CARTPT: variants seen among roughly 807,000 people sequenced by gnomAD.
The protein encoded by CARTPT is cocaine- and amphetamine-regulated transcript protein.
Under a neutral mutation model 12.2 loss-of-function variants are expected in CARTPT, and 6 were observed. The observed-to-expected ratio is 0.49, with a 90% CI of 0.27 to 0.97. CARTPT has a LOEUF of 0.97. Ranked by LOEUF, CARTPT falls within the 50% of genes least tolerant of loss-of-function variation. The pLI is 0.12. For missense variants in CARTPT, 135 were observed against 142.0 expected (o/e 0.95, Z 0.25); for synonymous variants, 75 against 64.1 (o/e 1.17, Z -0.82).
At chr5:71,719,491 G>A in intron 1 of CARTPT, 39 bp downstream of exon 1, 2 of 1,612,396 alleles carry the variant, frequency 1.2e-6, no homozygotes, top group Middle Eastern at 1.7e-4. Context: ...TTGAGCTGTC[G>A]CCTTGTCTCT....
In CARTPT at chr5:71,720,684, T is replaced by C; in HGVS notation, c.*69T>C. 3.9e-6 allele frequency: 5 copies of C among 1,276,454 alleles called. No homozygotes were observed. The highest frequency in any genetic ancestry group is 5.6e-6 in the Non-Finnish European group (5 of 893,336). 79.1% of individuals were successfully genotyped at this position (1,276,454 alleles called of 1,614,324 possible). On this transcript the variant is annotated 3_prime_UTR_variant, in exon 3 of 3. Coordinates refer to ENST00000296777, the MANE Select transcript of CARTPT (RefSeq NM_004291.4). ...CCCCAGAGGACCACACCTTCCTCCC[T>C]GGAGTTTGGCTTAAGCAACAGATAA... is the stretch of plus-strand genomic sequence containing the variant.
rs1748677201 is a variant in CARTPT at position 71,720,096 on chromosome 5, C to T, written c.243+133C>T. On this transcript the variant is annotated intron_variant, in intron 2 of 2. Coordinates refer to ENST00000296777, the MANE Select transcript of CARTPT (RefSeq NM_004291.4). ...TGGGCTTGCAGGATTCTGTGGGCTC[C>T]TTCTTCCTTCCCGGGTGAGGAAATG... is the stretch of plus-strand genomic sequence containing the variant. 6.3e-6 allele frequency: 5 copies of T among 795,794 alleles called. No individual in the cohort carries two copies. In the East Asian group the frequency reaches 1.2e-4, roughly 20 times the overall value. The allele number at this position is 795,794 out of a possible 1,614,324, so 49.3% of individuals were successfully genotyped here.
In CARTPT at chr5:71,720,819, C is replaced by A. The variant is rs1748694361; in HGVS notation, c.*204C>A. ...AATAATGCCTTGTATGGTGTTGATA[C>A]GTGTGTGAAGTATTCTTATTTTATT... On this transcript the variant is annotated 3_prime_UTR_variant, in exon 3 of 3. Coordinates refer to ENST00000296777, the MANE Select transcript of CARTPT (RefSeq NM_004291.4). The A allele has an allele frequency of 3.4e-6, 2 of 580,548 alleles. No individual in the cohort carries two copies. The highest frequency in any genetic ancestry group is 6.2e-6 in the Non-Finnish European group (2 of 323,902). The allele number at this position is 580,548 out of a possible 1,614,324, so 36.0% of individuals were successfully genotyped here.
intron 2 of CARTPT, 106 bp from the exon 3 acceptor site, chr5:71,720,402 G>A: frequency 1.1e-6 from 1 of 915,092 alleles, no homozygotes; most frequent in Admixed American, 2.0e-5. Context: ...TGGTGATGGG[G>A]TCCAATTGCC....
intron 1 of CARTPT, 78 bp downstream of exon 1, chr5:71,719,530 C>T: frequency 6.5e-7 from 1 of 1,531,508 alleles, no homozygotes; most frequent in South Asian, 1.1e-5. Flanking sequence ...CCTCCCCCCA[C>T]CCCCACTCCT....
chr5:71,720,230 T>C (rs921988548), intron 2 of CARTPT, among the ~76,000 whole-genome samples: 4 of 152,040 alleles, frequency 2.6e-5, no homozygotes, highest in Non-Finnish European at 5.9e-5. Flanking sequence ...AGCCAGGAAA[T>C]GTGATGCTCC....
At chr5:71,720,096 C>A (rs1748677201) in intron 2 of CARTPT, 133 bp downstream of exon 2, 1 of 795,676 alleles carries the variant, frequency 1.3e-6, no homozygotes, top group African/African-American at 1.7e-5. Flanking sequence ...CTGTGGGCTC[C>A]TTCTTCCTTC....
intron 1 of CARTPT, 133 bp from the exon 2 acceptor site, chr5:71,719,747 C>G: frequency 1.1e-6 from 1 of 886,518 alleles, no homozygotes. Context: ...CTCGACCATT[C>G]CCTGTGTCCG....
intron 2 of CARTPT, 21 bp downstream of exon 2, chr5:71,719,984 C>T: frequency 1.2e-6 from 2 of 1,602,050 alleles, no homozygotes; most frequent in Non-Finnish European, 1.7e-6. Flanking sequence ...TGGTCACTCC[C>T]TTCCCGTGTT....
At chr5:71,719,829 T>G in intron 1 of CARTPT, 51 bp from the exon 2 acceptor site, 1 of 1,573,014 alleles carries the variant, frequency 6.4e-7, no homozygotes, top group Non-Finnish European at 8.8e-7. Context: ...GCACCTGGGC[T>G]GGGCTCGCAG....
In CARTPT at chr5:71,719,313, G is replaced by A; in HGVS notation, c.20G>A (p.Arg7Lys). ...AGAACGATGGAGAGCTCCCGCGTGA[G>A]GCTGCTGCCCCTCCTGGGCGCCGCC... The part of the protein sequence containing the change: MESSRV[R>K]LLPLLGAALL... Residue 7 changes from arginine (R) to lysine (K), a missense_variant, in exon 1 of 3, where the codon AGG becomes AAG. By Grantham distance (26) the Arg-to-Lys change is conservative. Coordinates refer to ENST00000296777, the MANE Select transcript of CARTPT (RefSeq NM_004291.4). The A allele has an allele frequency of 6.2e-7, 1 of 1,613,020 alleles. No individual in the cohort carries two copies. Among genetic ancestry groups the A allele is most frequent in the Admixed American group, 1.7e-5 (1 of 60,020 alleles).
intron 1 of CARTPT, 150 bp from the exon 2 acceptor site, chr5:71,719,730 T>C: frequency 1.2e-6 from 1 of 830,418 alleles, no homozygotes; most frequent in East Asian, 2.6e-5. Flanking sequence ...CCGCTAAGTT[T>C]CCACCCCTCG....
chr5:71,719,319 T>C lies in CARTPT; in HGVS notation c.26T>C (p.Leu9Pro). The C allele has an allele frequency of 6.2e-7, 1 of 1,613,294 alleles. No individual in the cohort carries two copies. The highest frequency in any genetic ancestry group is 8.5e-7 in the Non-Finnish European group (1 of 1,180,022). ...ATGGAGAGCTCCCGCGTGAGGCTGC[T>C]GCCCCTCCTGGGCGCCGCCCTGCTG... MESSRVRL[L>P]PLLGAALLLM... Residue 9 changes from leucine (L) to proline (P), a missense_variant, in exon 1 of 3, where the codon CTG (leucine) becomes CCG (proline). By Grantham distance (98) the Leu-to-Pro change is moderately conservative. Coordinates refer to ENST00000296777, the MANE Select transcript of CARTPT (RefSeq NM_004291.4).
intron 2 of CARTPT, 117 bp from the exon 3 acceptor site, chr5:71,720,391 A>G: frequency 1.2e-6 from 1 of 828,660 alleles, no homozygotes; most frequent in Middle Eastern, 3.4e-4. Flanking sequence ...ACCTCTTGTG[A>G]TGGTGATGGG....
chr5:71,720,599 T>C lies in CARTPT; in HGVS notation c.335T>C (p.Leu112Pro), dbSNP rs751106151. ...CGAGGAACCTCCTGCAATTCCTTCCTCCTGAAGTGCTTATGAAGGGGCGTC... is the reference window on the plus strand; with the variant it reads ...CGAGGAACCTCCTGCAATTCCTTCCCCCTGAAGTGCTTATGAAGGGGCGTC... ...CPRGTSCNSFLLKCL is the reference protein window; with the variant it reads ...CPRGTSCNSFPLKCL Residue 112 changes from leucine to proline, a missense_variant, in exon 3 of 3, where the codon CTC becomes CCC. By Grantham distance (98) the Leu-to-Pro change is moderately conservative. Coordinates refer to ENST00000296777, the MANE Select transcript of CARTPT (RefSeq NM_004291.4). 3.1e-6 allele frequency: 5 copies of C among 1,609,530 alleles called. No homozygotes were observed. Among genetic ancestry groups the C allele is most frequent in the Non-Finnish European group, 4.2e-6 (5 of 1,178,072 alleles).
rs748828591 is a variant in CARTPT, at chr5:71,719,418, C to G, written c.125C>G (p.Ser42Cys). Residue 42 changes from serine to cysteine, a missense_variant, in exon 1 of 3, where the codon TCT becomes TGT. Transcript: ENST00000296777. ...CAGCCCCGAGCCCTGGACATCTACT[C>G]TGCCGTGGATGATGCCTCCCACGAG... ...ELQPRALDIY[S>C]AVDDASHEKE... is the part of the protein sequence containing the mutation. The G allele has an allele frequency of 1.5e-5, 25 of 1,614,090 alleles. No homozygotes were observed. Among genetic ancestry groups the G allele is most frequent in the Admixed American group, 3.3e-5 (2 of 60,008 alleles).
rs1748690930 is a variant in CARTPT at position 71,720,668 on chromosome 5, A to G, written c.*53A>G. 4 of 1,382,202 alleles carry G rather than the reference A, an allele frequency of 2.9e-6. No individual in the cohort carries two copies. In the South Asian group the frequency reaches 4.9e-5, roughly 17 times the overall value. 85.6% of individuals were successfully genotyped at this position (1,382,202 alleles called of 1,614,324 possible). ...CCCATCCCTCTACTTTCCCCAGAGG[A>G]CCACACCTTCCTCCCTGGAGTTTGG... On this transcript the variant is annotated 3_prime_UTR_variant, in exon 3 of 3. Transcript: ENST00000296777.
chr5:71,720,796 T>C lies in CARTPT; in HGVS notation c.*181T>C. 1 of 637,870 alleles carries C rather than the reference T, an allele frequency of 1.6e-6. No individual in the cohort carries two copies. The allele number at this position is 637,870 out of a possible 1,614,324, so 39.5% of individuals were successfully genotyped here. A position where few individuals can be genotyped will look rare whatever the true frequency, so the allele number is the denominator to read the frequency against. On this transcript the variant is annotated 3_prime_UTR_variant, in exon 3 of 3. Coordinates refer to ENST00000296777, the MANE Select transcript of CARTPT (RefSeq NM_004291.4). Reference sequence around the variant, plus strand: ...ACATTAGATGTTACTGTGTGAAGAATAATGCCTTGTATGGTGTTGATACGT... The same window carrying C: ...ACATTAGATGTTACTGTGTGAAGAACAATGCCTTGTATGGTGTTGATACGT...
Position 71,719,427 on chromosome 5 carries a change from A to G in CARTPT, c.134A>G (p.Asp45Gly). The change falls in exon 1 of 3, where the codon GAT becomes GGT. Residue 45 changes from aspartate to glycine, a missense_variant. Asp to Gly is a moderately conservative substitution (Grantham distance 94). Transcript: ENST00000296777. ...GCCCTGGACATCTACTCTGCCGTGG[A>G]TGATGCCTCCCACGAGAAGGAGCTG... ...PRALDIYSAV[D>G]DASHEKELIE... The G allele has an allele frequency of 6.2e-7, 1 of 1,614,042 alleles. No individual in the cohort carries two copies. The highest frequency in any genetic ancestry group is 8.5e-7 in the Non-Finnish European group (1 of 1,180,012).
Sources: gnomAD v4.1 joint callset for allele counts (sites outside exome capture counted in the v4.1 genomes callset) on GRCh38, gnomAD v4.1.1 for gene constraint, MANE v1.5 for transcripts, NCBI Gene and HGNC (gene_info 2026-07-23, HGNC 2026-07-21) for gene names.